Variants in NPSR1 observed in about 807,000 individuals in gnomAD.
NPSR1 encodes the protein neuropeptide S receptor 1, also known as neuropeptide S receptor.
Under a neutral mutation model 46.9 loss-of-function variants are expected in NPSR1, and 48 were observed. The ratio of observed to expected loss-of-function variants is 1.02; its 90% confidence interval spans 0.81 to 1.30. NPSR1 has a LOEUF of 1.30. NPSR1 is among the 50% of genes most tolerant of loss of function. The pLI is 0.00. For missense variants in NPSR1, 450 were observed against 449.5 expected (o/e 1.00, Z -0.01); for synonymous variants, 176 against 168.1 (o/e 1.05, Z -0.36).
chr7:34,849,518 A>C, intron 8 of NPSR1, 47 bp from the exon 9 acceptor site: 2 of 1,610,432 alleles, frequency 1.2e-6, no homozygotes, highest in African/African-American at 2.7e-5. Context: ...TTGCCTTTTC[A>C]TTAGGTCAAA....
At chr7:34,794,560 C>T (rs1171598941) in intron 3 of NPSR1, among the ~76,000 whole-genome samples, 1 of 151,996 alleles carries the variant, frequency 6.6e-6, no homozygotes, top group Non-Finnish European at 1.5e-5. Context: ...ACTTCCAAAA[C>T]AGAAAGCATC....
chr7:34,837,931 G>C (rs897783070), intron 6 of NPSR1, among the ~76,000 whole-genome samples: 1 of 152,118 alleles, frequency 6.6e-6, no homozygotes, highest in African/African-American at 2.4e-5. Context: ...CAATTTTGTG[G>C]AGGTAGCCAA....
At chr7:34,804,557 C>T (rs938725169) in intron 3 of NPSR1, among the ~76,000 whole-genome samples, 10 of 152,038 alleles carry the variant, frequency 6.6e-5, no homozygotes, top group African/African-American at 2.2e-4. Context: ...AAAAACCATA[C>T]AGTTAACCTC....
intron 2 of NPSR1, among the ~76,000 whole-genome samples, chr7:34,718,319 A>G (rs1783674977): frequency 6.6e-6 from 1 of 152,202 alleles, no homozygotes; most frequent in African/African-American, 2.4e-5. Flanking sequence ...TTCAGCTGTG[A>G]TATCACTCAT....
intron 3 of NPSR1, among the ~76,000 whole-genome samples, chr7:34,792,665 T>TTTTATATATATGTGTATATATATATTTA: frequency 1.3e-5 from 1 of 78,782 alleles, no homozygotes; most frequent in African/African-American, 4.1e-5. Context: ...ATATATATAT[T>TTTTATATATATGTGTATATATATATTTA]TATATATATG....
intron 1 of NPSR1, among the ~76,000 whole-genome samples, chr7:34,668,108 C>T (rs1049843098): frequency 7.2e-5 from 11 of 152,106 alleles, no homozygotes; most frequent in Admixed American, 5.9e-4. Context: ...GCTACAGCCA[C>T]GATTCACCCA....
chr7:34,792,039 C>G (rs1168453180), intron 3 of NPSR1, among the ~76,000 whole-genome samples: 1 of 152,038 alleles, frequency 6.6e-6, no homozygotes, highest in East Asian at 1.9e-4. Flanking sequence ...TAACCCTTAA[C>G]TTATACAATA....
At chr7:34,766,144 G>A (rs1280477300) in intron 2 of NPSR1, among the ~76,000 whole-genome samples, 1 of 152,160 alleles carries the variant, frequency 6.6e-6, no homozygotes, top group Non-Finnish European at 1.5e-5. Context: ...AAGCCATGAT[G>A]AAATATCACT....
chr7:34,809,625 G>A (rs1222214615), intron 3 of NPSR1, among the ~76,000 whole-genome samples: 9 of 151,884 alleles, frequency 5.9e-5, no homozygotes, highest in African/African-American at 7.3e-5. Flanking sequence ...CACTACGCCC[G>A]GCTAATTTTT....
At chr7:34,830,485 T>C (rs949318522) in intron 5 of NPSR1, among the ~76,000 whole-genome samples, 7 of 152,238 alleles carry the variant, frequency 4.6e-5, no homozygotes, top group Non-Finnish European at 7.3e-5. Flanking sequence ...GCAAAAGTAA[T>C]TGCGGACTTT....
chr7:34,864,928 G>T (rs1240917890), intron 8 of NPSR1, among the ~76,000 whole-genome samples: 1 of 151,830 alleles, frequency 6.6e-6, no homozygotes, highest in Non-Finnish European at 1.5e-5. Flanking sequence ...ATCTTTCTCA[G>T]CCTCCCTTAT....
intron 2 of NPSR1, among the ~76,000 whole-genome samples, chr7:34,777,633 G>A (rs1424831359): frequency 2.6e-5 from 4 of 152,104 alleles, no homozygotes; most frequent in Admixed American, 1.3e-4. Context: ...TGCTGAGGGA[G>A]GAAGAGGGAA....
intron 8 of NPSR1, among the ~76,000 whole-genome samples, chr7:34,866,729 G>T (rs1313997195): frequency 6.6e-6 from 1 of 151,562 alleles, no homozygotes; most frequent in Non-Finnish European, 1.5e-5. Flanking sequence ...AGATAGTTTT[G>T]CAAGATTTGC....
chr7:34,813,904 A>T (rs1212754153), intron 4 of NPSR1, among the ~76,000 whole-genome samples: 1 of 152,272 alleles, frequency 6.6e-6, no homozygotes, highest in Non-Finnish European at 1.5e-5. Flanking sequence ...GAGTAAAAAT[A>T]CTAAATTGTA....
intron 7 of NPSR1, among the ~76,000 whole-genome samples, chr7:34,847,529 C>G (rs1354816643): frequency 3.3e-5 from 5 of 152,126 alleles, no homozygotes; most frequent in Admixed American, 3.3e-4. Flanking sequence ...TAGTCCAAGT[C>G]TGAGTCCAAA....
In NPSR1 at chr7:34,698,301, A is replaced by G. The variant is rs537149442; in HGVS notation, c.280+13617A>G. 3.0e-4 allele frequency among the ~76,000 whole-genome samples: 45 copies of G among 152,272 alleles called. No individual in the cohort carries two copies. The South Asian group carries it at 4.3e-3, about 15-fold the overall frequency. On this transcript the variant is annotated intron_variant, in intron 2 of 8. Coordinates refer to ENST00000360581, the MANE Select transcript of NPSR1 (RefSeq NM_207172.2). ...AAATTATATACTTATGATTTTGTAT[A>G]CTTTTCTTTATGTGTTTTATTTCAA...
intron 2 of NPSR1, among the ~76,000 whole-genome samples, chr7:34,685,336 A>G (rs1279379059): frequency 6.6e-6 from 1 of 152,306 alleles, no homozygotes; most frequent in African/African-American, 2.4e-5. Flanking sequence ...GCTCATGTTC[A>G]AAAGGAAAAG....
intron 2 of NPSR1, chr7:34,751,766 C>T (rs1785547994): frequency 1.3e-6 from 2 of 1,588,050 alleles, no homozygotes; most frequent in Non-Finnish European, 1.7e-6. Flanking sequence ...TTCTCCAGGG[C>T]CTGTTTTGCA....
intron 8 of NPSR1, among the ~76,000 whole-genome samples, chr7:34,863,281 G>C (rs1791232115): frequency 6.6e-6 from 1 of 151,816 alleles, no homozygotes; most frequent in South Asian, 2.1e-4. Flanking sequence ...AAAAACCCTA[G>C]AAGAAAACCT....
Sources: gnomAD v4.1 joint callset for allele counts (sites outside exome capture counted in the v4.1 genomes callset) on GRCh38, gnomAD v4.1.1 for gene constraint, MANE v1.5 for transcripts, NCBI Gene and HGNC (gene_info 2026-07-23, HGNC 2026-07-21) for gene names.